Variants in ISY1 observed in about 807,000 individuals in gnomAD.
The protein encoded by ISY1 is ISY1 spliceosome associated protein.
In ISY1, 12 loss-of-function variants were observed where a neutral mutation model predicts 54.4. The observed-to-expected ratio is 0.22, with a 90% confidence interval of 0.14 to 0.36. The LOEUF (loss-of-function observed/expected upper bound fraction) is 0.36. Among genes scored for constraint, ISY1 ranks in the 10% least tolerant of loss-of-function variants. The pLI, the probability that ISY1 is intolerant of heterozygous loss-of-function variation, is 1.00. For missense variants in ISY1, 282 were observed against 342.2 expected (o/e 0.82, Z 1.39); for synonymous variants, 96 against 117.9 (o/e 0.81, Z 1.20).
chr3:129,145,506 A>G (rs1485736442), intron 6 of ISY1, among the ~76,000 whole-genome samples: 1 of 152,154 alleles, frequency 6.6e-6, no homozygotes, highest in Admixed American at 6.6e-5. Flanking sequence ...TATAGGAGTG[A>G]GCTACCATGC....
chr3:129,157,985 A>G (rs1937193907), intron 3 of ISY1, among the ~76,000 whole-genome samples: 1 of 151,806 alleles, frequency 6.6e-6, no homozygotes, highest in Admixed American at 6.6e-5. Context: ...CTCAGCCTCA[A>G]GTAGCTGGGA....
chr3:129,153,777 C>T (rs1937045901), intron 5 of ISY1, among the ~76,000 whole-genome samples: 1 of 152,050 alleles, frequency 6.6e-6, no homozygotes. Flanking sequence ...CAGAGCAAGA[C>T]TCTGTCTCAA....
intron 8 of ISY1, among the ~76,000 whole-genome samples, chr3:129,134,574 G>A (rs753968304): frequency 2.6e-5 from 4 of 152,136 alleles, no homozygotes; most frequent in Non-Finnish European, 4.4e-5. Flanking sequence ...GTATTAGCAC[G>A]AATCCACATG....
intron 7 of ISY1, among the ~76,000 whole-genome samples, chr3:129,136,588 C>T (rs1936408589): frequency 6.6e-6 from 1 of 152,014 alleles, no homozygotes; most frequent in Non-Finnish European, 1.5e-5. Context: ...ACCACAACCT[C>T]CGCCTCCTGG....
chr3:129,154,481 T>C (rs868229405), intron 5 of ISY1, among the ~76,000 whole-genome samples: 111 of 148,804 alleles, frequency 7.5e-4, no homozygotes, highest in Middle Eastern at 7.1e-3. Context: ...TTCTCTTAAG[T>C]GAGCTTTGGC....
At chr3:129,135,057 T>C in intron 7 of ISY1, 103 bp from the exon 8 acceptor site, 2 of 1,416,630 alleles carry the variant, frequency 1.4e-6, no homozygotes, top group Non-Finnish European at 1.9e-6. Flanking sequence ...CGTATGTTCA[T>C]GAAAATACCA....
rs559587659 is a variant in ISY1 at position 129,151,608 on chromosome 3, G to A, written c.187+5025C>T. 2.0e-5 allele frequency among the ~76,000 whole-genome samples: 3 copies of A among 152,226 alleles called. No individual in the cohort carries two copies. In the South Asian group the frequency reaches 6.2e-4, roughly 32 times the overall value. On this transcript the variant is annotated intron_variant, in intron 5 of 10. Transcript: ENST00000393295. ...TGCACCACTGTACTTCAGCCTGGGT[G>A]ACAGAGCGAGACTCCATCTCAAAAA...
At chr3:129,135,130 C>A (rs542902224) in intron 7 of ISY1, among the ~76,000 whole-genome samples, 176 bp from the exon 8 acceptor site, 57 of 152,274 alleles carry the variant, frequency 3.7e-4, no homozygotes, top group African/African-American at 1.3e-3. Flanking sequence ...AGGTGGCTCA[C>A]AAGGTCAGGA....
In ISY1 at chr3:129,158,106, C is replaced by G. The variant is rs1024973474; in HGVS notation, c.78+402G>C. On this transcript the variant is annotated intron_variant, in intron 3 of 10. Transcript: ENST00000393295. Reference sequence around the variant, plus strand: ...ACTCCTGTCCTCAAGTGATCCACCCCCCTCAGCCTCTCAAAGTGCTGGGAT... The same window carrying G: ...ACTCCTGTCCTCAAGTGATCCACCCGCCTCAGCCTCTCAAAGTGCTGGGAT... Among the ~76,000 whole-genome samples the G allele has an allele frequency of 5.3e-5, 8 of 151,354 alleles. No individual in the cohort carries two copies. In the South Asian group the frequency reaches 1.5e-3, roughly 28 times the overall value.
intron 5 of ISY1, among the ~76,000 whole-genome samples, chr3:129,149,636 T>TATATATATATATACAC (rs759382962): frequency 5.5e-5 from 3 of 54,708 alleles, no homozygotes; most frequent in African/African-American, 1.8e-4. Context: ...TATATATATA[T>TATATATATATATACAC]ACACAAAAAA....
intron 6 of ISY1, among the ~76,000 whole-genome samples, chr3:129,142,207 GA>G (rs11324480): frequency 0.9 from 108,961 of 120,660 alleles, 49,223 homozygotes; most frequent in East Asian, 0.98. Context: ...ACTCTGTCTC[GA>G]AAAAAAAAAA....
chr3:129,144,244 A>G, intron 6 of ISY1: 1 of 346,480 alleles, frequency 2.9e-6, no homozygotes, highest in Non-Finnish European at 5.8e-6. Flanking sequence ...AAACAGCAAA[A>G]ATAAAATAAA....
chr3:129,152,873 C>T (rs985529227), intron 5 of ISY1, among the ~76,000 whole-genome samples: 1 of 152,096 alleles, frequency 6.6e-6, no homozygotes, highest in African/African-American at 2.4e-5. Context: ...CCCTCTTCTT[C>T]CATTTTCTTG....
chr3:129,136,369 T>G (rs189434737), intron 7 of ISY1, among the ~76,000 whole-genome samples: 1 of 152,310 alleles, frequency 6.6e-6, no homozygotes, highest in Non-Finnish European at 1.5e-5. Flanking sequence ...CCCAAAGTGC[T>G]AAGATTATAG....
intron 3 of ISY1, among the ~76,000 whole-genome samples, chr3:129,157,577 T>C (rs1007316492): frequency 6.6e-6 from 1 of 151,654 alleles, no homozygotes; most frequent in South Asian, 2.1e-4. Context: ...AAAAATTAGC[T>C]GGGTGTGGTG....
chr3:129,132,301 T>G (rs1221752712), intron 9 of ISY1, among the ~76,000 whole-genome samples: 1 of 152,082 alleles, frequency 6.6e-6, no homozygotes, highest in Non-Finnish European at 1.5e-5. Context: ...ACACAAGATC[T>G]CTCTGTACTC....
chr3:129,144,608 G>GT (rs1936718440), intron 6 of ISY1, among the ~76,000 whole-genome samples: 1 of 152,172 alleles, frequency 6.6e-6, no homozygotes, highest in Non-Finnish European at 1.5e-5. Flanking sequence ...CATGAAATCA[G>GT]TTAAGCAGGT....
At chr3:129,147,013 A>AGCACCACT (rs1466567639) in intron 5 of ISY1, among the ~76,000 whole-genome samples, 1 of 151,892 alleles carries the variant, frequency 6.6e-6, no homozygotes, top group Non-Finnish European at 1.5e-5. Context: ...GAGCTGTAAT[A>AGCACCACT]GCACCACTGC....
chr3:129,160,394 T>C (rs1354648452), intron 1 of ISY1, among the ~76,000 whole-genome samples: 1 of 151,776 alleles, frequency 6.6e-6, no homozygotes, highest in African/African-American at 2.4e-5. Flanking sequence ...CTTGAAGAAA[T>C]GAAGAAACCA....
Sources: gnomAD v4.1 joint callset for allele counts (sites outside exome capture counted in the v4.1 genomes callset) on GRCh38, gnomAD v4.1.1 for gene constraint, MANE v1.5 for transcripts, NCBI Gene and HGNC (gene_info 2026-07-23, HGNC 2026-07-21) for gene names.